Variants in DNAJC6 observed in about 807,000 individuals in gnomAD.
DNAJC6 encodes the protein DnaJ heat shock protein family (Hsp40) member C6.
In DNAJC6, 34 loss-of-function variants were observed where a neutral mutation model predicts 110.0. The observed-to-expected ratio is 0.31, with a 90% confidence interval of 0.24 to 0.41. The LOEUF is 0.41. Among genes scored for constraint, DNAJC6 ranks in the 10% least tolerant of loss-of-function variants. The pLI is 1.00. For synonymous variants in DNAJC6, 406 were observed against 437.2 expected (o/e 0.93, Z 0.89); for missense variants, 1,031 against 1,207.8 (o/e 0.85, Z 2.17).
At chr1:65,319,783 T>C (rs1252146069) in intron 1 of DNAJC6, among the ~76,000 whole-genome samples, 1 of 152,162 alleles carries the variant, frequency 6.6e-6, no homozygotes. Context: ...TTATTCTTAT[T>C]TTAGTTTCTT....
chr1:65,409,624 T>A (rs1022133238), intron 17 of DNAJC6, among the ~76,000 whole-genome samples: 3 of 152,120 alleles, frequency 2.0e-5, no homozygotes, highest in Admixed American at 2.0e-4. Flanking sequence ...TCTCTACCGA[T>A]AGAGAAATAT....
intron 1 of DNAJC6, among the ~76,000 whole-genome samples, chr1:65,341,767 T>G (rs1423960983): frequency 1.3e-5 from 2 of 151,838 alleles, no homozygotes; most frequent in Non-Finnish European, 2.9e-5. Flanking sequence ...CAGCAGCTAT[T>G]GACCCTAAAG....
In DNAJC6 at chr1:65,364,803, A is replaced by T; in HGVS notation, c.344+18A>T. 1.2e-6 allele frequency: 2 copies of T among 1,610,950 alleles called. No homozygotes were observed. The highest frequency in any genetic ancestry group is 1.7e-6 in the Non-Finnish European group (2 of 1,178,166). On this transcript the variant is annotated intron_variant, in intron 2 of 18. Transcript: ENST00000371069. ...GTGACCAGGTACGCACATTCTTCCCAGTTAATTTAGTGGATCCCCATGCTC... is the reference window on the plus strand; with the variant it reads ...GTGACCAGGTACGCACATTCTTCCCTGTTAATTTAGTGGATCCCCATGCTC...
In DNAJC6 at chr1:65,309,662, T is replaced by A. The variant is rs1016282360; in HGVS notation, c.-84T>A. 230 of 1,452,450 alleles carry A rather than the reference T, an allele frequency of 1.6e-4. No homozygotes were observed. The highest frequency in any genetic ancestry group is 8.2e-4 in the South Asian group (57 of 69,892). 90.0% of individuals were successfully genotyped at this position (1,452,450 alleles called of 1,614,324 possible). On this transcript the variant is annotated 5_prime_UTR_variant, in exon 1 of 19. Coordinates refer to ENST00000371069, the MANE Select transcript of DNAJC6 (RefSeq NM_001256864.2). The stretch of plus-strand genomic sequence containing the variant: ...CGGGCACTTAATTTTTTTTTTTTTT[T>A]AATTCCTTCTTCAGCCCTTTCCACC...
At chr1:65,409,914 G>A (rs1022341081) in intron 17 of DNAJC6, among the ~76,000 whole-genome samples, 15 of 151,982 alleles carry the variant, frequency 9.9e-5, no homozygotes, top group East Asian at 5.8e-4. Context: ...GCAATTCAGC[G>A]AATCTAACCC....
At chr1:65,297,908 C>T (rs1025417567) in intron 1 of DNAJC6, among the ~76,000 whole-genome samples, 1 of 152,116 alleles carries the variant, frequency 6.6e-6, no homozygotes, top group Non-Finnish European at 1.5e-5. Flanking sequence ...TCTGGCACAA[C>T]CAGTTCTGCA....
rs1178254473 is a variant in DNAJC6 at position 65,389,267 on chromosome 1, A to G, written c.1205A>G (p.Asp402Gly). The stretch of plus-strand genomic sequence containing the variant: ...AAATCCCTATTTAGGCCTGAGTTAG[A>G]TGCATGTGATGTACCAGAAAAATAT... Reference protein sequence around the residue: ...TVLKFTKPELDACDVPEKYPQ... With the variant: ...TVLKFTKPELGACDVPEKYPQ... The change falls in exon 10 of 19, where the codon GAT becomes GGT. Residue 402 changes from aspartate (D) to glycine (G), a missense_variant. Transcript: ENST00000371069. The G allele has an allele frequency of 2.5e-6, 4 of 1,613,916 alleles. No homozygotes were observed. The highest frequency in any genetic ancestry group is 2.2e-5 in the South Asian group (2 of 91,054).
chr1:65,328,378 A>T (rs1645259296), intron 1 of DNAJC6, among the ~76,000 whole-genome samples: 1 of 152,224 alleles, frequency 6.6e-6, no homozygotes, highest in South Asian at 2.1e-4. Context: ...TGCAGTTGTG[A>T]GAAACAGTAC....
intron 1 of DNAJC6, among the ~76,000 whole-genome samples, chr1:65,355,992 A>G (rs906254045): frequency 1.4e-5 from 2 of 144,578 alleles, no homozygotes; most frequent in Middle Eastern, 3.8e-3. Context: ...TTTCTATTCT[A>G]CAGATAAGGA....
chr1:65,324,303 C>T (rs575112504), intron 1 of DNAJC6, among the ~76,000 whole-genome samples: 1 of 152,148 alleles, frequency 6.6e-6, no homozygotes, highest in South Asian at 2.1e-4. Flanking sequence ...TACCCTCCCT[C>T]ATAGCTGGGA....
chr1:65,267,319 T>C (rs1653368028), intron 1 of DNAJC6, among the ~76,000 whole-genome samples: 1 of 152,230 alleles, frequency 6.6e-6, no homozygotes, highest in Non-Finnish European at 1.5e-5. Flanking sequence ...TCTATTTCTT[T>C]GGGTCTCAGT....
At chr1:65,329,487 T>C (rs971345499) in intron 1 of DNAJC6, among the ~76,000 whole-genome samples, 2 of 151,702 alleles carry the variant, frequency 1.3e-5, no homozygotes, top group African/African-American at 4.8e-5. Flanking sequence ...AAAATATGTA[T>C]AGGAATATTT....
rs1049055324 is a variant in DNAJC6 at position 65,414,359 on chromosome 1, A to T, written c.*1334A>T. On this transcript the variant is annotated 3_prime_UTR_variant, in exon 19 of 19. Coordinates refer to ENST00000371069, the MANE Select transcript of DNAJC6 (RefSeq NM_001256864.2). ...TTTAGTAGATCTCTTTTGTGTGCAC[A>T]TATACAATGTGCATTATACATATAT... The T allele has an allele frequency of 2.0e-5, 3 of 152,662 alleles. No homozygotes were observed. The highest frequency in any genetic ancestry group is 2.4e-5 in the African/African-American group (1 of 41,458). The allele number at this position is 152,662 out of a possible 1,614,324, so 9.5% of individuals were successfully genotyped here.
intron 16 of DNAJC6, 151 bp from the exon 17 acceptor site, chr1:65,408,490 C>G: frequency 1.2e-6 from 1 of 810,048 alleles, no homozygotes; most frequent in South Asian, 1.9e-5. Flanking sequence ...ATGCAACAGT[C>G]TCTTACCCTA....
chr1:65,403,837 G>A (rs1646051509), intron 15 of DNAJC6, among the ~76,000 whole-genome samples: 2 of 152,152 alleles, frequency 1.3e-5, no homozygotes, highest in Admixed American at 1.3e-4. Context: ...ATGTTGATGA[G>A]CCCCATGAGT....
intron 1 of DNAJC6, among the ~76,000 whole-genome samples, chr1:65,277,251 TTTAG>T (rs981407391): frequency 3.3e-5 from 5 of 152,218 alleles, no homozygotes; most frequent in African/African-American, 1.2e-4. Flanking sequence ...TATGTTGATT[TTTAG>T]TTACTCTTTC....
At chr1:65,361,781 T>G (rs1028779155) in intron 1 of DNAJC6, among the ~76,000 whole-genome samples, 9 of 152,210 alleles carry the variant, frequency 5.9e-5, no homozygotes, top group Non-Finnish European at 2.9e-5. Flanking sequence ...TACTGGCAAA[T>G]TCTGCTTGTA....
At position 65,380,922 on chromosome 1, in the gene DNAJC6, T is replaced by TG. The variant is rs796332502; in HGVS notation, c.666+1398_666+1399insG. Among the ~76,000 whole-genome samples the TG allele has an allele frequency of 3.4e-3, 421 of 125,030 alleles. 9 individuals carry two copies. The highest frequency in any genetic ancestry group is 9.7e-3 in the East Asian group (45 of 4,652). The allele number at this position is 125,030 out of a possible 152,430, so 82.0% of individuals were successfully genotyped here. On this transcript the variant is annotated intron_variant, in intron 5 of 18. Transcript: ENST00000371069. ...TTTTTTTGTTTTTTGTTTTGTTTTG[T>TG]TTTTTTTTTTTTTTTGGGACCGAGT...
At chr1:65,326,639 G>A (rs1293640994) in intron 1 of DNAJC6, among the ~76,000 whole-genome samples, 1 of 152,154 alleles carries the variant, frequency 6.6e-6, no homozygotes, top group African/African-American at 2.4e-5. Context: ...CCAGAAGTGA[G>A]CACCTCCTGG....
Sources: allele counts gnomAD v4.1 joint callset (sites outside exome capture counted in the v4.1 genomes callset), GRCh38; gene constraint gnomAD v4.1.1; transcripts MANE v1.5; gene names NCBI Gene and HGNC (gene_info 2026-07-23, HGNC 2026-07-21).